The following SLC6A18 variants were observed in gnomAD, a reference collection of about 807,000 sequenced individuals.
SLC6A18 encodes the protein inactive sodium-dependent neutral amino acid transporter B(0)AT3.
SLC6A18 carries 58 observed loss-of-function variants against 62.9 expected under a neutral mutation model. The observed-to-expected ratio is 0.92, with a 90% CI of 0.75 to 1.15. SLC6A18 has a LOEUF of 1.15. SLC6A18 is among the 50% of genes most tolerant of loss of function. SLC6A18 has a pLI of 0.00. For synonymous variants in SLC6A18, 382 were observed against 365.8 expected (o/e 1.04, Z -0.51); for missense variants, 793 against 836.6 (o/e 0.95, Z 0.64).
intron 8 of SLC6A18, 37 bp downstream of exon 8, chr5:1,242,900 G>T: frequency 1.3e-6 from 2 of 1,553,256 alleles, no homozygotes; most frequent in African/African-American, 2.7e-5. Context: ...AGGCAGGGCC[G>T]TCCACAGGAG....
chr5:1,243,514 G>C lies in SLC6A18; in HGVS notation c.1132-41G>C, dbSNP rs774138692. ...CAGGCGTGTGTGTGTGGTGGAGTGT[G>C]TGTGTGCGTGGCCTGAAGCCCGGGG... On this transcript the variant is annotated intron_variant, in intron 8 of 11. Coordinates refer to ENST00000324642, the MANE Select transcript of SLC6A18 (RefSeq NM_182632.3). This position sits in a 1 kb window ranked among gnomAD's most constrained non-coding sequence, Gnocchi z 6.5. 11 of 1,599,474 alleles carry C rather than the reference G, an allele frequency of 6.9e-6. No homozygotes were observed. In the South Asian group the frequency reaches 9.9e-5, roughly 14 times the overall value.
intron 3 of SLC6A18, among the ~76,000 whole-genome samples, chr5:1,235,087 A>G (rs1746849354): frequency 1.3e-5 from 2 of 152,150 alleles, no homozygotes; most frequent in East Asian, 1.9e-4. Flanking sequence ...TTTCTCCCCA[A>G]GCACTAGCCA....
At chr5:1,233,860 G>T (rs1337311106) in intron 3 of SLC6A18, among the ~76,000 whole-genome samples, 2 of 151,742 alleles carry the variant, frequency 1.3e-5, no homozygotes, top group Admixed American at 6.6e-5. Flanking sequence ...TCCTGCCTCA[G>T]CCTCCCAAAT....
chr5:1,242,244 G>T (rs903619474), intron 7 of SLC6A18, among the ~76,000 whole-genome samples: 13 of 152,210 alleles, frequency 8.5e-5, no homozygotes, highest in Non-Finnish European at 1.3e-4. Flanking sequence ...CAAACCCAGG[G>T]GGGTAGAGAA....
rs1167579100 is a variant in SLC6A18, at chr5:1,235,603, G to C, written c.562G>C (p.Ala188Pro). The C allele has an allele frequency of 6.2e-7, 1 of 1,614,016 alleles. No individual in the cohort carries two copies. Among genetic ancestry groups the C allele is most frequent in the East Asian group, 2.2e-5 (1 of 44,882 alleles). ...SIQWWLLICL[A>P]ASWAVVYMCV... ...CCAGTGGTGGCTGCTCATCTGCTTG[G>C]CAGCCTCCTGGGCAGTCGTGTACAT... Residue 188 changes from alanine to proline, a missense_variant, in exon 4 of 12, where the codon GCA becomes CCA. Transcript: ENST00000324642.
At chr5:1,228,545 C>G (rs1313214368) in intron 1 of SLC6A18, among the ~76,000 whole-genome samples, 1 of 152,138 alleles carries the variant, frequency 6.6e-6, no homozygotes, top group African/African-American at 2.4e-5. Context: ...TTCTCTCGAT[C>G]CTGCGTGGAT....
Position 1,228,245 on chromosome 5 carries a change from C to T in SLC6A18, c.160+2608C>T, listed in dbSNP as rs554376126. Among the ~76,000 whole-genome samples, 129 of 152,280 alleles carry T rather than the reference C, an allele frequency of 8.5e-4. 1 individual carries two copies. Among genetic ancestry groups the T allele is most frequent in the Non-Finnish European group, 1.6e-3 (106 of 68,018 alleles). On this transcript the variant is annotated intron_variant, in intron 1 of 11. Coordinates refer to ENST00000324642, the MANE Select transcript of SLC6A18 (RefSeq NM_182632.3). ...GCCCTGTGCTGCTTTCTACACTGCC[C>T]GGGGGGAGTTTCCACCTTGACGGCC...
At position 1,241,739 on chromosome 5, in the gene SLC6A18, C is replaced by A. The variant is rs923789222; in HGVS notation, c.975-968C>A. Among the ~76,000 whole-genome samples the A allele has an allele frequency of 3.3e-5, 5 of 152,182 alleles. No individual in the cohort carries two copies. The highest frequency in any genetic ancestry group is 5.9e-5 in the Non-Finnish European group (4 of 68,030). On this transcript the variant is annotated intron_variant, in intron 7 of 11. Transcript: ENST00000324642. The surrounding 1 kb of genome is among the most constrained non-coding windows in gnomAD (Gnocchi z 7.8). ...GGCTTTGTTCAGCCCCAGCCGGGGACGTGCATGGCGGGCAACTCTGATTTC... is the reference window on the plus strand; with the variant it reads ...GGCTTTGTTCAGCCCCAGCCGGGGAAGTGCATGGCGGGCAACTCTGATTTC...
rs1197667563 is a variant in SLC6A18 at position 1,246,112 on chromosome 5, T to TGTGGGGGGGCTTGGCCTGATG, written c.*40_*60dup. The TGTGGGGGGGCTTGGCCTGATG allele has an allele frequency of 6.7e-7, 1 of 1,502,014 alleles. No homozygotes were observed. Among genetic ancestry groups the TGTGGGGGGGCTTGGCCTGATG allele is most frequent in the East Asian group, 2.6e-5 (1 of 37,778 alleles). 93.0% of individuals were successfully genotyped at this position (1,502,014 alleles called of 1,614,324 possible). A position where few individuals can be genotyped will look rare whatever the true frequency, so the allele number is the denominator to read the frequency against. ...GGAGCGGGGCCTGCATGGGCGGGTCTGTGGGGGGGCTTGGCCTGATGGTGG... is the reference window on the plus strand; with the variant it reads ...GGAGCGGGGCCTGCATGGGCGGGTCTGTGGGGGGGCTTGGCCTGATGGTGGGGGGGCTTGGCCTGATGGTGG... On this transcript the variant is annotated 3_prime_UTR_variant, in exon 12 of 12. Coordinates refer to ENST00000324642, the MANE Select transcript of SLC6A18 (RefSeq NM_182632.3).
chr5:1,229,693 G>A (rs1177480737), intron 1 of SLC6A18, among the ~76,000 whole-genome samples: 3 of 152,248 alleles, frequency 2.0e-5, no homozygotes, highest in Admixed American at 6.5e-5. Flanking sequence ...CCACTACTGC[G>A]GGATGGGTGG....
In SLC6A18 at chr5:1,233,811, G is replaced by A. The variant is rs1285089285; in HGVS notation, c.439+923G>A. ...GGCTGGAGTGCAGTGGTGCTATCTT[G>A]GCTCACTGCAAGCTCTGCCTCCCAG... On this transcript the variant is annotated intron_variant, in intron 3 of 11. Coordinates refer to ENST00000324642, the MANE Select transcript of SLC6A18 (RefSeq NM_182632.3). Among the ~76,000 whole-genome samples the A allele has an allele frequency of 9.3e-5, 14 of 151,060 alleles. No individual in the cohort carries two copies. The East Asian group carries it at 2.3e-3, about 25-fold the overall frequency.
At chr5:1,244,835 C>T (rs1425799749) in intron 11 of SLC6A18, 68 bp downstream of exon 11, 3 of 1,506,408 alleles carry the variant, frequency 2.0e-6, no homozygotes, top group Non-Finnish European at 2.7e-6. Context: ...CCCTACGGTG[C>T]CATCCGGTGC....
chr5:1,246,164 C>A lies in SLC6A18; in HGVS notation c.*86C>A. ...CGGGGCCCCGCCCACAGGGCCGACC[C>A]CAATACACCAGCGACTCAACCTTGA... On this transcript the variant is annotated 3_prime_UTR_variant, in exon 12 of 12. Coordinates refer to ENST00000324642, the MANE Select transcript of SLC6A18 (RefSeq NM_182632.3). 3.7e-5 allele frequency: 54 copies of A among 1,441,238 alleles called. No individual in the cohort carries two copies. Among genetic ancestry groups the A allele is most frequent in the Admixed American group, 5.0e-5 (2 of 39,662 alleles). The allele number at this position is 1,441,238 out of a possible 1,614,324, so 89.3% of individuals were successfully genotyped here.
intron 1 of SLC6A18, among the ~76,000 whole-genome samples, chr5:1,227,967 G>A (rs754454996): frequency 2.0e-5 from 3 of 152,158 alleles, no homozygotes; most frequent in South Asian, 4.1e-4. Flanking sequence ...CATCAAGCGC[G>A]CCCCCTCCCC....
intron 3 of SLC6A18, 22 bp downstream of exon 3, chr5:1,232,910 G>A (rs1746771020): frequency 6.3e-7 from 1 of 1,599,238 alleles, no homozygotes; most frequent in Non-Finnish European, 8.5e-7. Context: ...GCCGCCTGCT[G>A]TGTGGGTCCG....
chr5:1,233,108 G>A (rs994134706), intron 3 of SLC6A18, among the ~76,000 whole-genome samples: 1 of 152,156 alleles, frequency 6.6e-6, no homozygotes, highest in Admixed American at 6.5e-5. Flanking sequence ...GTGCTTCCCT[G>A]CCAGGTCCGG....
At chr5:1,227,760 T>G (rs1377326754) in intron 1 of SLC6A18, among the ~76,000 whole-genome samples, 1 of 152,240 alleles carries the variant, frequency 6.6e-6, no homozygotes, top group Non-Finnish European at 1.5e-5. Context: ...ACCTATGACA[T>G]TTCATGGCAG....
chr5:1,233,009 G>A (rs1456359857), intron 3 of SLC6A18, 121 bp downstream of exon 3: 4 of 1,421,194 alleles, frequency 2.8e-6, no homozygotes, highest in Non-Finnish European at 3.8e-6. Flanking sequence ...GAGGGCCGGG[G>A]AACCGGTTGC....
At chr5:1,240,020 C>T (rs1475439307) in intron 6 of SLC6A18, among the ~76,000 whole-genome samples, 1 of 152,224 alleles carries the variant, frequency 6.6e-6, no homozygotes, top group Non-Finnish European at 1.5e-5. Flanking sequence ...ATTTCTGCCC[C>T]CTTCGGAGGC....
Sources: allele counts gnomAD v4.1 joint callset (sites outside exome capture counted in the v4.1 genomes callset), GRCh38; gene constraint gnomAD v4.1.1; non-coding constraint Gnocchi (gnomAD v3.1); transcripts MANE v1.5; gene names NCBI Gene and HGNC (gene_info 2026-07-23, HGNC 2026-07-21).